The following ZC3H14 variants were observed in gnomAD, a reference collection of about 807,000 sequenced individuals.
ZC3H14 encodes zinc finger CCCH domain-containing protein 14.
ZC3H14 carries 31 observed loss-of-function variants against 92.4 expected under a neutral mutation model. The ratio of observed to expected loss-of-function variants is 0.34; its 90% confidence interval spans 0.25 to 0.45. ZC3H14 has a LOEUF of 0.45. Among genes scored for constraint, ZC3H14 ranks in the 20% least tolerant of loss-of-function variants. The pLI is 1.00. For missense variants in ZC3H14, 781 were observed against 897.3 expected (o/e 0.87, Z 1.66); for synonymous variants, 321 against 300.9 (o/e 1.07, Z -0.69).
At chr14:88,568,014 T>A in intron 2 of ZC3H14, 25 bp from the exon 3 acceptor site, 1 of 1,598,492 alleles carries the variant, frequency 6.3e-7, no homozygotes, top group Non-Finnish European at 8.6e-7. Flanking sequence ...AAACAAAGTT[T>A]TGATCTACCT....
chr14:88,609,816 A>C lies in ZC3H14; in HGVS notation c.2097+13A>C. The stretch of plus-strand genomic sequence containing the variant: ...CTATCATCCAAAAGTAAGAACTTCT[A>C]TTTTCTCAAATCAATTTAGTGACAA... On this transcript the variant is annotated intron_variant, in intron 15 of 16. Coordinates refer to ENST00000251038, the MANE Select transcript of ZC3H14 (RefSeq NM_024824.5). 6.2e-7 allele frequency: 1 copy of C among 1,610,776 alleles called. No homozygotes were observed. Among genetic ancestry groups the C allele is most frequent in the Non-Finnish European group, 8.5e-7 (1 of 1,177,178 alleles).
Position 88,627,103 on chromosome 14 carries a change from C to T in ZC3H14, c.*15352C>T, listed in dbSNP as rs2090030685. On this transcript the variant is annotated 3_prime_UTR_variant, in exon 17 of 17. Coordinates refer to ENST00000251038, the MANE Select transcript of ZC3H14 (RefSeq NM_024824.5). ...TTACAAGAACCAAGCTAATCAACAG[C>T]ATCAAACAAATATGTAAAATACATA... 6.4e-7 allele frequency: 1 copy of T among 1,552,924 alleles called. No homozygotes were observed. The highest frequency in any genetic ancestry group is 1.4e-5 in the African/African-American group (1 of 73,668).
intron 2 of ZC3H14, among the ~76,000 whole-genome samples, chr14:88,564,308 G>C (rs2079280670): frequency 6.6e-6 from 1 of 152,094 alleles, no homozygotes; most frequent in Admixed American, 6.5e-5. Flanking sequence ...TAATTTGAGT[G>C]TTTACTCTGG....
At chr14:88,565,189 TGGAG>T (rs1352423011) in intron 2 of ZC3H14, among the ~76,000 whole-genome samples, 24 of 152,220 alleles carry the variant, frequency 1.6e-4, no homozygotes, top group Non-Finnish European at 4.4e-5. Flanking sequence ...TTGCCCAGGC[TGGAG>T]TGCAGTGGCG....
rs747258125 is a variant in ZC3H14 at position 88,572,072 on chromosome 14, G to C, written c.278G>C (p.Ser93Thr). The stretch of plus-strand genomic sequence containing the variant: ...TCTTCTGATACCAACATCTTTGATA[G>C]TAACGTGCCTTCAAACAAGAGCAAT... ...LKSSDTNIFD[S>T]NVPSNKSNFS... Residue 93 changes from serine (S) to threonine (T), a missense_variant, in exon 5 of 17, where the codon AGT becomes ACT. Physicochemically the swap from Ser to Thr is moderately conservative, Grantham distance 58 (BLOSUM62 1). Around this residue, in one of 3 missense-constraint regions of ZC3H14, gnomAD observed 106 missense variants for 154.2 expected, o/e 0.69. Coordinates refer to ENST00000251038, the MANE Select transcript of ZC3H14 (RefSeq NM_024824.5). 1 of 1,614,024 alleles carries C rather than the reference G, an allele frequency of 6.2e-7. No homozygotes were observed. Among genetic ancestry groups the C allele is most frequent in the African/African-American group, 1.3e-5 (1 of 74,914 alleles).
At position 88,627,343 on chromosome 14, in the gene ZC3H14, A is replaced by T. The variant is rs1316832143; in HGVS notation, c.*15592A>T. The stretch of plus-strand genomic sequence containing the variant: ...ATTAGAAATATACATAATTTTCATA[A>T]GAATCTCCAAAACCAATCAAATCAT... On this transcript the variant is annotated 3_prime_UTR_variant, in exon 17 of 17. Transcript: ENST00000251038. The T allele has an allele frequency of 2.2e-6, 1 of 454,248 alleles. No individual in the cohort carries two copies. The highest frequency in any genetic ancestry group is 3.9e-6 in the Non-Finnish European group (1 of 258,148). 28.1% of individuals were successfully genotyped at this position (454,248 alleles called of 1,614,324 possible). A position where few individuals can be genotyped will look rare whatever the true frequency, so the allele number is the denominator to read the frequency against.
intron 10 of ZC3H14, among the ~76,000 whole-genome samples, chr14:88,600,191 C>T (rs147350764): frequency 0.015 from 2,318 of 152,314 alleles, 34 homozygotes; most frequent in Middle Eastern, 0.041. Flanking sequence ...CCGCCTGTCT[C>T]CCTTTACCAT....
At chr14:88,602,435 A>T (rs541539022) in intron 11 of ZC3H14, among the ~76,000 whole-genome samples, 3 of 152,336 alleles carry the variant, frequency 2.0e-5, no homozygotes, top group African/African-American at 7.2e-5. Flanking sequence ...TTTTTCCCTT[A>T]GAAAATTGAC....
intron 9 of ZC3H14, chr14:88,590,172 C>A (rs1338316829): frequency 6.6e-6 from 1 of 152,156 alleles, no homozygotes; most frequent in East Asian, 1.9e-4. Context: ...TGTGATTTGC[C>A]TTGGTTACTT....
At position 88,596,822 on chromosome 14, in the gene ZC3H14, C is replaced by T. The variant is rs774920774; in HGVS notation, c.1354+14C>T. 28 of 1,611,248 alleles carry T rather than the reference C, an allele frequency of 1.7e-5. No individual in the cohort carries two copies. Among genetic ancestry groups the T allele is most frequent in the African/African-American group, 1.3e-4 (10 of 74,846 alleles). On this transcript the variant is annotated intron_variant, in intron 10 of 16. Transcript: ENST00000251038. ...AGATGAGTCAAGGTTGGTAATGTTT[C>T]AAGTTGTACTGTAATCCAGCCATTT...
intron 3 of ZC3H14, among the ~76,000 whole-genome samples, chr14:88,568,462 T>C (rs2079976781): frequency 6.6e-6 from 1 of 152,182 alleles, no homozygotes; most frequent in South Asian, 2.1e-4. Flanking sequence ...AGGAGGAACT[T>C]CCAGAGACTT....
chr14:88,621,947 A>G lies in ZC3H14; in HGVS notation c.*10196A>G, dbSNP rs1241054081. The G allele has an allele frequency of 2.2e-6, 1 of 452,314 alleles. No individual in the cohort carries two copies. The highest frequency in any genetic ancestry group is 2.0e-5 in the African/African-American group (1 of 49,964). 28.0% of individuals were successfully genotyped at this position (452,314 alleles called of 1,614,324 possible). A position where few individuals can be genotyped will look rare whatever the true frequency, so the allele number is the denominator to read the frequency against. ...CGTGATTCTTAACTATAGTCATCCT[A>G]CAGTACTACAGAATACTAAAACATA... On this transcript the variant is annotated 3_prime_UTR_variant, in exon 17 of 17. Coordinates refer to ENST00000251038, the MANE Select transcript of ZC3H14 (RefSeq NM_024824.5).
chr14:88,602,418 TG>T (rs546392961), intron 11 of ZC3H14, among the ~76,000 whole-genome samples: 96 of 152,328 alleles, frequency 6.3e-4, no homozygotes, highest in Non-Finnish European at 1.2e-3. Flanking sequence ...AGATCAGGTT[TG>T]GGTGATTTTT....
At position 88,609,646 on chromosome 14, in the gene ZC3H14, G is replaced by GT. The variant is rs1192677745; in HGVS notation, c.2006-65dup. 1.9e-6 allele frequency: 3 copies of GT among 1,568,600 alleles called. No individual in the cohort carries two copies. The Admixed American group carries it at 5.0e-5, about 26-fold the overall frequency. ...GTTTTCACTTTCAAAAAAAACATCA[G>GT]TAGACTGCATTAAAAATGGGTTTTC... On this transcript the variant is annotated intron_variant, in intron 14 of 16. Coordinates refer to ENST00000251038, the MANE Select transcript of ZC3H14 (RefSeq NM_024824.5).
In ZC3H14 at chr14:88,627,184, C is replaced by G. The variant is rs1203730717; in HGVS notation, c.*15433C>G. 1.4e-6 allele frequency: 1 copy of G among 734,492 alleles called. No individual in the cohort carries two copies. Among genetic ancestry groups the G allele is most frequent in the African/African-American group, 1.8e-5 (1 of 56,704 alleles). The allele number at this position is 734,492 out of a possible 1,614,324, so 45.5% of individuals were successfully genotyped here. A position where few individuals can be genotyped will look rare whatever the true frequency, so the allele number is the denominator to read the frequency against. On this transcript the variant is annotated 3_prime_UTR_variant, in exon 17 of 17. Coordinates refer to ENST00000251038, the MANE Select transcript of ZC3H14 (RefSeq NM_024824.5). Reference sequence around the variant, plus strand: ...CAATGGCCCCTGCTCTACTACCTAGCAATACATGATTTACAATTATTTGTG... The same window carrying G: ...CAATGGCCCCTGCTCTACTACCTAGGAATACATGATTTACAATTATTTGTG...
At chr14:88,609,198 C>T in intron 13 of ZC3H14, 69 bp from the exon 14 acceptor site, 1 of 1,597,284 alleles carries the variant, frequency 6.3e-7, no homozygotes. Flanking sequence ...TGTAAAGAGC[C>T]CTTATACACA....
intron 9 of ZC3H14, among the ~76,000 whole-genome samples, chr14:88,582,789 C>G (rs1448609949): frequency 1.3e-5 from 2 of 152,162 alleles, no homozygotes; most frequent in Non-Finnish European, 2.9e-5. Context: ...TGAAGTGATA[C>G]TGCAAGCAAC....
In ZC3H14 at chr14:88,616,040, G is replaced by T; in HGVS notation, c.*4289G>T. On this transcript the variant is annotated 3_prime_UTR_variant, in exon 17 of 17. Transcript: ENST00000251038. ...TCTGGTTATACTACCTTCTACTAAT[G>T]TTGACTAGCTGATTTCATAAACCAA... The T allele has an allele frequency of 7.4e-7, 1 of 1,344,582 alleles. No individual in the cohort carries two copies. Among genetic ancestry groups the T allele is most frequent in the Non-Finnish European group, 1.1e-6 (1 of 946,574 alleles). The allele number at this position is 1,344,582 out of a possible 1,614,324, so 83.3% of individuals were successfully genotyped here. A position where few individuals can be genotyped will look rare whatever the true frequency, so the allele number is the denominator to read the frequency against.
rs367669714 is a variant in ZC3H14 at position 88,626,731 on chromosome 14, A to AT, written c.*14982dup. Reference sequence around the variant, plus strand: ...ATATGCTTGACCAGGGCATGTAATGATTAGCAGATCACAGTATCATCTCAA... The same window carrying AT: ...ATATGCTTGACCAGGGCATGTAATGATTTAGCAGATCACAGTATCATCTCAA... On this transcript the variant is annotated 3_prime_UTR_variant, in exon 17 of 17. Coordinates refer to ENST00000251038, the MANE Select transcript of ZC3H14 (RefSeq NM_024824.5). 38 of 1,103,642 alleles carry AT rather than the reference A, an allele frequency of 3.4e-5. No homozygotes were observed. In the African/African-American group the frequency reaches 5.6e-4, roughly 16 times the overall value. 68.4% of individuals were successfully genotyped at this position (1,103,642 alleles called of 1,614,324 possible).
Sources: gnomAD v4.1 joint callset for allele counts (sites outside exome capture counted in the v4.1 genomes callset) on GRCh38, gnomAD v4.1.1 for gene constraint, gnomAD v4.1.1 regional missense constraint, MANE v1.5 for transcripts, NCBI Gene and HGNC (gene_info 2026-07-23, HGNC 2026-07-21) for gene names.